The following SCAMP1 variants were observed in gnomAD, a reference collection of about 807,000 sequenced individuals.
The protein encoded by SCAMP1 is secretory carrier-associated membrane protein 1.
Under a neutral mutation model 41.8 loss-of-function variants are expected in SCAMP1, and 15 were observed. The observed-to-expected ratio is 0.36, with a 90% CI of 0.24 to 0.55. The LOEUF is 0.55. Ranked by LOEUF, SCAMP1 falls within the 20% of genes least tolerant of loss-of-function variation. The probability of loss-of-function intolerance (pLI) is 0.86; values close to 1 mark genes in which losing one functional copy is unlikely to be tolerated. For missense variants in SCAMP1, 341 were observed against 412.6 expected, an observed-to-expected ratio of 0.83 and a Z score of 1.50; for synonymous variants, 135 against 136.8, an observed-to-expected ratio of 0.99 and a Z score of 0.09.
intron 6 of SCAMP1, among the ~76,000 whole-genome samples, chr5:78,433,463 G>A (rs139223967): frequency 5.8e-4 from 88 of 152,272 alleles, no homozygotes; most frequent in Non-Finnish European, 9.6e-4. Flanking sequence ...TAGGCTTTTA[G>A]TGTATGGATG....
chr5:78,403,932 C>T (rs1751860926), intron 2 of SCAMP1, among the ~76,000 whole-genome samples: 1 of 103,252 alleles, frequency 9.7e-6, no homozygotes, highest in East Asian at 3.1e-4. Flanking sequence ...GCCTAGGGGA[C>T]AGAGTGAGAC....
rs1754048891 is a variant in SCAMP1 at position 78,478,197 on chromosome 5, A to G, written c.*2529A>G. 6.6e-6 allele frequency: 1 copy of G among 152,544 alleles called. No homozygotes were observed. Among genetic ancestry groups the G allele is most frequent in the South Asian group, 2.1e-4 (1 of 4,830 alleles). The allele number at this position is 152,544 out of a possible 1,614,324, so 9.4% of individuals were successfully genotyped here. A position where few individuals can be genotyped will look rare whatever the true frequency, so the allele number is the denominator to read the frequency against. On this transcript the variant is annotated 3_prime_UTR_variant, in exon 9 of 9. Coordinates refer to ENST00000621999, the MANE Select transcript of SCAMP1 (RefSeq NM_004866.6). ...GAAATGCCCTCCATGTGTCCCTCTA[A>G]TGTTGCATGTTTCAGTGGGTTGGAA...
In SCAMP1 at chr5:78,381,349, C is replaced by T. The variant is rs73128358; in HGVS notation, c.58-7488C>T. On this transcript the variant is annotated intron_variant, in intron 1 of 8. Coordinates refer to ENST00000621999, the MANE Select transcript of SCAMP1 (RefSeq NM_004866.6). ...AAACTATTCTAACTAGAGGAAGCAACGCAAAGGAAGAGTATAACTGATATT... is the reference window on the plus strand; with the variant it reads ...AAACTATTCTAACTAGAGGAAGCAATGCAAAGGAAGAGTATAACTGATATT... Among the ~76,000 whole-genome samples the T allele has an allele frequency of 8.5e-3, 1,292 of 152,238 alleles. 20 individuals are homozygous for T. Among genetic ancestry groups the T allele is most frequent in the African/African-American group, 0.029 (1,199 of 41,536 alleles).
intron 6 of SCAMP1, among the ~76,000 whole-genome samples, chr5:78,437,187 A>G (rs191945102): frequency 1.1e-4 from 16 of 152,328 alleles, no homozygotes; most frequent in Admixed American, 9.1e-4. Flanking sequence ...CTCTTTTCCT[A>G]ATTGAATACC....
intron 8 of SCAMP1, among the ~76,000 whole-genome samples, chr5:78,466,735 A>G: frequency 6.6e-6 from 1 of 152,282 alleles, no homozygotes; most frequent in East Asian, 1.9e-4. Flanking sequence ...GAGGAGAGTA[A>G]TTGAATTGAT....
At chr5:78,474,884 C>A (rs1753969408) in intron 8 of SCAMP1, among the ~76,000 whole-genome samples, 1 of 152,070 alleles carries the variant, frequency 6.6e-6, no homozygotes. Flanking sequence ...AAAATAAATT[C>A]CAAGATTTGA....
intron 1 of SCAMP1, among the ~76,000 whole-genome samples, chr5:78,378,082 C>T (rs775108630): frequency 6.6e-6 from 1 of 152,094 alleles, no homozygotes; most frequent in African/African-American, 2.4e-5. Context: ...CAGTATTGGT[C>T]GTTACCAGGT....
At chr5:78,421,526 C>T (rs543247035) in intron 5 of SCAMP1, among the ~76,000 whole-genome samples, 48 of 152,236 alleles carry the variant, frequency 3.2e-4, no homozygotes, top group Admixed American at 2.2e-3. Flanking sequence ...TAAGGTAGTG[C>T]GCCTCTGGTT....
At chr5:78,452,588 T>C (rs946366968) in intron 7 of SCAMP1, among the ~76,000 whole-genome samples, 1 of 148,812 alleles carries the variant, frequency 6.7e-6, no homozygotes, top group African/African-American at 2.5e-5. Flanking sequence ...CAGTCTATCA[T>C]TGTTGGACAT....
At chr5:78,406,976 C>T (rs1751950789) in intron 2 of SCAMP1, among the ~76,000 whole-genome samples, 2 of 152,188 alleles carry the variant, frequency 1.3e-5, no homozygotes, top group African/African-American at 4.8e-5. Context: ...TTCCCAGGTA[C>T]AGCCAAAGTA....
At chr5:78,420,155 A>G (rs1752306359) in intron 5 of SCAMP1, among the ~76,000 whole-genome samples, 1 of 152,190 alleles carries the variant, frequency 6.6e-6, no homozygotes, top group African/African-American at 2.4e-5. Context: ...TCCCGGGTTC[A>G]AGTGATTCTC....
chr5:78,456,645 A>G (rs1753412408), intron 7 of SCAMP1, among the ~76,000 whole-genome samples: 1 of 150,388 alleles, frequency 6.6e-6, no homozygotes, highest in Admixed American at 6.6e-5. Context: ...ACTTTGGTGA[A>G]TCTGACAATA....
chr5:78,366,183 G>A (rs924509768), intron 1 of SCAMP1, among the ~76,000 whole-genome samples: 25 of 143,390 alleles, frequency 1.7e-4, no homozygotes, highest in East Asian at 4.0e-4. Context: ...TTGCTCTGTC[G>A]CCCAGGCTGG....
rs188994308 is a variant in SCAMP1, at chr5:78,460,803, T to C, written c.852+1441T>C. Among the ~76,000 whole-genome samples, 142 of 45,760 alleles carry C rather than the reference T, an allele frequency of 3.1e-3. 15 individuals are homozygous for C. Among genetic ancestry groups the C allele is most frequent in the Admixed American group, 0.023 (109 of 4,700 alleles). The allele number at this position is 45,760 out of a possible 152,430, so 30.0% of individuals were successfully genotyped here. On this transcript the variant is annotated intron_variant, in intron 8 of 8. Coordinates refer to ENST00000621999, the MANE Select transcript of SCAMP1 (RefSeq NM_004866.6). ...TTCCTTCCTTCCTTCCTTCCTTCCTTCCTCCCTTCCTTCCTTCCTTTCTTG... is the reference window on the plus strand; with the variant it reads ...TTCCTTCCTTCCTTCCTTCCTTCCTCCCTCCCTTCCTTCCTTCCTTTCTTG...
At chr5:78,457,538 C>T (rs1753449657) in intron 7 of SCAMP1, among the ~76,000 whole-genome samples, 1 of 152,144 alleles carries the variant, frequency 6.6e-6, no homozygotes, top group African/African-American at 2.4e-5. Flanking sequence ...GGCAGTCTGC[C>T]CGTTCTCAGA....
At chr5:78,412,742 A>C (rs1349834029) in intron 2 of SCAMP1, among the ~76,000 whole-genome samples, 1 of 152,026 alleles carries the variant, frequency 6.6e-6, no homozygotes, top group Non-Finnish European at 1.5e-5. Flanking sequence ...TTTTTCGATT[A>C]GTTTGTATTT....
At chr5:78,392,652 C>A (rs1005786458) in intron 2 of SCAMP1, among the ~76,000 whole-genome samples, 1 of 152,134 alleles carries the variant, frequency 6.6e-6, no homozygotes, top group Non-Finnish European at 1.5e-5. Flanking sequence ...AAACACTTCC[C>A]TTAGATTTGA....
At chr5:78,435,795 T>G (rs972174633) in intron 6 of SCAMP1, among the ~76,000 whole-genome samples, 1 of 152,150 alleles carries the variant, frequency 6.6e-6, no homozygotes, top group African/African-American at 2.4e-5. Context: ...CTTGAGGAAT[T>G]GCCACACTGT....
At chr5:78,432,429 A>AT (rs971178244) in intron 6 of SCAMP1, among the ~76,000 whole-genome samples, 6 of 152,108 alleles carry the variant, frequency 3.9e-5, no homozygotes, top group East Asian at 1.9e-4. Context: ...AAAAGTCTTC[A>AT]TTTTTTGTTC....
Sources: allele counts gnomAD v4.1 joint callset (sites outside exome capture counted in the v4.1 genomes callset), GRCh38; gene constraint gnomAD v4.1.1; transcripts MANE v1.5; gene names NCBI Gene and HGNC (gene_info 2026-07-23, HGNC 2026-07-21).